Variants in ERBB4 observed in about 807,000 individuals in gnomAD.
The protein encoded by ERBB4 is receptor tyrosine-protein kinase erbB-4.
Under a neutral mutation model 158.0 loss-of-function variants are expected in ERBB4, and 42 were observed. That is an observed-to-expected ratio of 0.27 (90% CI 0.21 to 0.34). ERBB4 has a LOEUF of 0.34. ERBB4 is among the 10% of genes least tolerant of loss of function. The probability of loss-of-function intolerance (pLI) is 1.00; values close to 1 mark genes in which losing one functional copy is unlikely to be tolerated. For missense variants in ERBB4, 1,333 were observed against 1,624.1 expected (o/e 0.82, Z 3.08); for synonymous variants, 583 against 558.7 (o/e 1.04, Z -0.61).
intron 2 of ERBB4, among the ~76,000 whole-genome samples, chr2:212,075,954 G>T (rs145409260): frequency 6.6e-6 from 1 of 151,710 alleles, no homozygotes. Context: ...CCAGTAGTTG[G>T]AATATGTCTT....
intron 4 of ERBB4, among the ~76,000 whole-genome samples, chr2:211,753,114 A>G (rs1361938998): frequency 6.6e-6 from 1 of 151,982 alleles, no homozygotes; most frequent in East Asian, 1.9e-4. Context: ...GATGTTGCCA[A>G]TTAGCAATTA....
intron 2 of ERBB4, among the ~76,000 whole-genome samples, chr2:211,985,640 T>C (rs2081918799): frequency 6.6e-6 from 1 of 152,016 alleles, no homozygotes; most frequent in South Asian, 2.1e-4. Flanking sequence ...GTCTCTTATG[T>C]ATTAGAAGGA....
intron 12 of ERBB4, 71 bp downstream of exon 12, chr2:211,701,896 T>C (rs955375574): frequency 3.2e-5 from 37 of 1,138,666 alleles, no homozygotes; most frequent in Non-Finnish European, 2.7e-5. Context: ...TTATTTTTAA[T>C]TGTTTGGTCC....
chr2:212,482,777 C>T lies in ERBB4; in HGVS notation c.82+55672G>A, dbSNP rs181483687. On this transcript the variant is annotated intron_variant, in intron 1 of 27. Transcript: ENST00000342788. ...GACTATAGGCATGGGTCACCATGCC[C>T]GGCAAATTTTTCTTTTTTTGTATTT... Among the ~76,000 whole-genome samples the T allele has an allele frequency of 1.4e-4, 21 of 152,172 alleles. No homozygotes were observed. The East Asian group carries it at 2.3e-3, about 17-fold the overall frequency.
intron 3 of ERBB4, among the ~76,000 whole-genome samples, chr2:211,856,455 G>A (rs1018307653): frequency 3.3e-5 from 5 of 151,324 alleles, no homozygotes; most frequent in African/African-American, 4.9e-5. Context: ...GCACAATCTC[G>A]GCTCACTGCA....
rs34614862 is a variant in ERBB4 at position 211,934,926 on chromosome 2, T to TAAAAAAAAAAAA, written c.421+12492_421+12503dup. Among the ~76,000 whole-genome samples, 46 of 86,630 alleles carry TAAAAAAAAAAAA rather than the reference T, an allele frequency of 5.3e-4. 6 individuals carry two copies. The highest frequency in any genetic ancestry group is 6.5e-3 in the Middle Eastern group (1 of 154). The allele number at this position is 86,630 out of a possible 152,430, so 56.8% of individuals were successfully genotyped here. A position where few individuals can be genotyped will look rare whatever the true frequency, so the allele number is the denominator to read the frequency against. On this transcript the variant is annotated intron_variant, in intron 3 of 27. Transcript: ENST00000342788. ...TACACTAAGCAAAGTCTCATTCAGCTAAAAAAAAAAAAAAACTGCCTTGAA... is the reference window on the plus strand; with the variant it reads ...TACACTAAGCAAAGTCTCATTCAGCTAAAAAAAAAAAAAAAAAAAAAAAAAAACTGCCTTGAA...
At chr2:211,394,292 G>T (rs568656824) in intron 25 of ERBB4, among the ~76,000 whole-genome samples, 3 of 152,258 alleles carry the variant, frequency 2.0e-5, no homozygotes, top group African/African-American at 7.2e-5. Context: ...TAAGCAACAA[G>T]AATTGTGTCA....
intron 1 of ERBB4, among the ~76,000 whole-genome samples, chr2:212,340,688 G>A (rs908162541): frequency 6.6e-6 from 1 of 152,178 alleles, no homozygotes; most frequent in African/African-American, 2.4e-5. Flanking sequence ...GCGAGCTATG[G>A]GAAGCAGCTG....
At chr2:211,910,810 A>G (rs2079523918) in intron 3 of ERBB4, among the ~76,000 whole-genome samples, 1 of 152,178 alleles carries the variant, frequency 6.6e-6, no homozygotes, top group Non-Finnish European at 1.5e-5. Context: ...CACTAGACCC[A>G]TGTAACTAAA....
At chr2:211,973,759 C>G (rs1004857725) in intron 2 of ERBB4, among the ~76,000 whole-genome samples, 1 of 152,116 alleles carries the variant, frequency 6.6e-6, no homozygotes, top group Non-Finnish European at 1.5e-5. Context: ...ATAAATCATT[C>G]TACTATAATA....
At chr2:211,961,896 A>G (rs1483461755) in intron 2 of ERBB4, among the ~76,000 whole-genome samples, 1 of 152,162 alleles carries the variant, frequency 6.6e-6, no homozygotes, top group African/African-American at 2.4e-5. Flanking sequence ...AAATACTTTA[A>G]AAGCAAGTTA....
At chr2:212,220,854 T>C (rs561248835) in intron 1 of ERBB4, among the ~76,000 whole-genome samples, 2 of 151,666 alleles carry the variant, frequency 1.3e-5, no homozygotes, top group African/African-American at 4.8e-5. Flanking sequence ...GATGAATTAA[T>C]ATCTTACTTC....
chr2:211,474,543 G>C (rs1449525470), intron 20 of ERBB4, among the ~76,000 whole-genome samples: 1 of 151,840 alleles, frequency 6.6e-6, no homozygotes, highest in African/African-American at 2.4e-5. Context: ...TTATGACTTG[G>C]GCTCTTGCAT....
intron 3 of ERBB4, among the ~76,000 whole-genome samples, chr2:211,852,569 C>G (rs947315565): frequency 2.0e-5 from 3 of 151,298 alleles, no homozygotes; most frequent in African/African-American, 7.3e-5. Context: ...ACATCATTCC[C>G]CTATAATGTT....
At chr2:212,424,182 T>G (rs2105914777) in intron 1 of ERBB4, among the ~76,000 whole-genome samples, 1 of 152,218 alleles carries the variant, frequency 6.6e-6, no homozygotes, top group East Asian at 1.9e-4. Context: ...CATCCTATAA[T>G]CAACTACCTA....
At chr2:212,065,250 T>C (rs570021011) in intron 2 of ERBB4, among the ~76,000 whole-genome samples, 177 of 152,182 alleles carry the variant, frequency 1.2e-3, no homozygotes, top group Middle Eastern at 6.8e-3. Context: ...CTCTCTAGTA[T>C]GAATAGAAAA....
At chr2:211,433,325 T>G (rs989797565) in intron 20 of ERBB4, among the ~76,000 whole-genome samples, 1 of 151,910 alleles carries the variant, frequency 6.6e-6, no homozygotes, top group African/African-American at 2.4e-5. Context: ...CTCACGCCTG[T>G]AATACTGGCA....
chr2:212,269,459 A>T (rs1405567799), intron 1 of ERBB4, among the ~76,000 whole-genome samples: 1 of 151,818 alleles, frequency 6.6e-6, no homozygotes, highest in Non-Finnish European at 1.5e-5. Context: ...ATCCACATCC[A>T]TCAAAAGCAT....
intron 19 of ERBB4, among the ~76,000 whole-genome samples, chr2:211,608,551 T>C (rs2069073424): frequency 6.6e-6 from 1 of 152,204 alleles, no homozygotes; most frequent in Non-Finnish European, 1.5e-5. Flanking sequence ...TAGCCCAATA[T>C]AGATACAAAG....
Sources: allele counts gnomAD v4.1 joint callset (sites outside exome capture counted in the v4.1 genomes callset), GRCh38; gene constraint gnomAD v4.1.1; transcripts MANE v1.5; gene names NCBI Gene and HGNC (gene_info 2026-07-23, HGNC 2026-07-21).